Variants in SEC22C observed in about 807,000 individuals in gnomAD.
SEC22C encodes SEC22 homolog C, vesicle trafficking protein.
Under a neutral mutation model 34.7 loss-of-function variants are expected in SEC22C, and 29 were observed. That is an observed-to-expected ratio of 0.84 (90% CI 0.62 to 1.14). The LOEUF (loss-of-function observed/expected upper bound fraction) is 1.14. Ranked by LOEUF, SEC22C falls within the 50% of genes most tolerant of loss-of-function variation. The pLI is 0.00. For missense variants in SEC22C, 337 were observed against 369.0 expected, an observed-to-expected ratio of 0.91 and a Z score of 0.71; for synonymous variants, 117 against 132.8, an observed-to-expected ratio of 0.88 and a Z score of 0.82.
upstream of SEC22C, among the ~76,000 whole-genome samples, chr3:42,586,561 T>C (rs1052845759): frequency 1.3e-5 from 2 of 150,684 alleles, no homozygotes; most frequent in Non-Finnish European, 2.9e-5. Flanking sequence ...ATTGCTGTCC[T>C]GTATGTCCTT....
Position 42,548,531 on chromosome 3 carries a change from G to C in SEC22C, c.*4717C>G. The C allele has an allele frequency of 6.6e-7, 1 of 1,510,928 alleles. No individual in the cohort carries two copies. Among genetic ancestry groups the C allele is most frequent in the South Asian group, 1.1e-5 (1 of 88,238 alleles). 93.6% of individuals were successfully genotyped at this position (1,510,928 alleles called of 1,614,324 possible). On this transcript the variant is annotated 3_prime_UTR_variant, in exon 7 of 7. Coordinates refer to ENST00000264454, the MANE Select transcript of SEC22C (RefSeq NM_032970.4). ...TTTTCCACAGGCTCCCTGCTGATGA[G>C]ATTTCCCCAGCAGCAGAAGTTTGAC...
chr3:42,582,791 A>G (rs1339289014), upstream of SEC22C, among the ~76,000 whole-genome samples: 1 of 152,200 alleles, frequency 6.6e-6, no homozygotes, highest in African/African-American at 2.4e-5. Context: ...TTTCAGATGG[A>G]GAGATTAGCA....
At chr3:42,593,620 T>C (rs933602340) in intron 1 of SEC22C, among the ~76,000 whole-genome samples, 3 of 152,136 alleles carry the variant, frequency 2.0e-5, no homozygotes, top group Non-Finnish European at 4.4e-5. Context: ...TTTCAGACTC[T>C]GGGAAATCCA....
At position 42,561,133 on chromosome 3, in the gene SEC22C, C is replaced by T. The variant is rs778297713; in HGVS notation, c.510G>A (p.Pro170=). Residue 170 remains proline (P), a synonymous_variant, in exon 4 of 7, where the codon CCG becomes CCA. Coordinates refer to ENST00000264454, the MANE Select transcript of SEC22C (RefSeq NM_032970.4). ...VANGVMNGHT[P]MHLEPAPNFR... is the part of the protein sequence containing the mutation. ...GCCACTTACCAGGCTCCAAGTGCAT[C>T]GGTGTGTGACCATTCATCACCCCAT... The T allele has an allele frequency of 3.7e-6, 6 of 1,613,572 alleles. No homozygotes were observed. Among genetic ancestry groups the T allele is most frequent in the African/African-American group, 2.7e-5 (2 of 74,916 alleles).
At position 42,552,839 on chromosome 3, in the gene SEC22C, T is replaced by C. The variant is rs1425617350; in HGVS notation, c.*409A>G. The stretch of plus-strand genomic sequence containing the variant: ...AAAACTAATCAAGTTATGTTTAGAC[T>C]GAAAGCTGATTTGGATTTTAAAGTG... On this transcript the variant is annotated 3_prime_UTR_variant, in exon 7 of 7. Transcript: ENST00000264454. 3.9e-6 allele frequency: 4 copies of C among 1,023,718 alleles called. No individual in the cohort carries two copies. Among genetic ancestry groups the C allele is most frequent in the East Asian group, 1.0e-4 (1 of 9,942 alleles). 63.4% of individuals were successfully genotyped at this position (1,023,718 alleles called of 1,614,324 possible).
chr3:42,572,058 G>A (rs543996732), intron 1 of SEC22C, among the ~76,000 whole-genome samples: 2 of 151,968 alleles, frequency 1.3e-5, no homozygotes, highest in East Asian at 3.9e-4. Context: ...AATTCTGAAA[G>A]GTGGAGAAGG....
intron 1 of SEC22C, among the ~76,000 whole-genome samples, chr3:42,599,186 C>T (rs564461731): frequency 1.7e-3 from 257 of 150,320 alleles, no homozygotes; most frequent in South Asian, 5.7e-3. Flanking sequence ...AGGATGGTCT[C>T]GATCTCCTGA....
At position 42,564,116 on chromosome 3, in the gene SEC22C, T is replaced by A. The variant is rs899392268; in HGVS notation, c.183-430A>T. On this transcript the variant is annotated intron_variant, in intron 2 of 6. Transcript: ENST00000264454. ...ATAAACATACAACTGCTGGATTTAG[T>A]TTGCTAACATTTTAATTGGGACTTT... 60 of 369,912 alleles carry A rather than the reference T, an allele frequency of 1.6e-4. No individual in the cohort carries two copies. In the Admixed American group the frequency reaches 2.4e-3, roughly 15 times the overall value. The allele number at this position is 369,912 out of a possible 1,614,324, so 22.9% of individuals were successfully genotyped here. A position where few individuals can be genotyped will look rare whatever the true frequency, so the allele number is the denominator to read the frequency against.
chr3:42,561,520 T>A (rs1352661094), intron 3 of SEC22C, among the ~76,000 whole-genome samples: 1 of 152,120 alleles, frequency 6.6e-6, no homozygotes. Flanking sequence ...AGACCACAGA[T>A]GTGTGCCACC....
rs1029350109 is a variant in SEC22C, at chr3:42,600,727, C to T, written c.-28+233G>A. ...CGGCGTTGGGGTTTGGCTGCAGTGG[C>T]AGTGCTTTCTCTTCTGCTCACGGGG... On this transcript the variant is annotated intron_variant, in intron 1 of 6. Transcript: ENST00000417572. The T allele has an allele frequency of 1.3e-5, 4 of 298,660 alleles. 1 individual carries two copies. The South Asian group carries it at 3.2e-4, about 24-fold the overall frequency. The allele number at this position is 298,660 out of a possible 1,614,324, so 18.5% of individuals were successfully genotyped here.
At chr3:42,588,779 G>A (rs1704708655) in intron 1 of SEC22C, among the ~76,000 whole-genome samples, 1 of 152,116 alleles carries the variant, frequency 6.6e-6, no homozygotes, top group South Asian at 2.1e-4. Context: ...GTGGAACTAC[G>A]GAAGACCTGT....
chr3:42,601,070 CT>C, exon 1 of SEC22C: 1 of 1,565,290 alleles, frequency 6.4e-7, no homozygotes, highest in South Asian at 1.2e-5. Flanking sequence ...GCCGGGTGAG[CT>C]GGAAACTGGG....
chr3:42,584,589 G>T (rs946724778), upstream of SEC22C, among the ~76,000 whole-genome samples: 2 of 152,122 alleles, frequency 1.3e-5, no homozygotes, highest in African/African-American at 4.8e-5. Flanking sequence ...GCATCATATG[G>T]GCGGAAATCG....
chr3:42,572,215 G>T (rs1375385693), intron 1 of SEC22C, among the ~76,000 whole-genome samples: 1 of 103,240 alleles, frequency 9.7e-6, no homozygotes, highest in African/African-American at 4.5e-5. Flanking sequence ...AATGGGTACA[G>T]ACCAAAAAAA....
chr3:42,593,142 C>G (rs1350926817), intron 1 of SEC22C, among the ~76,000 whole-genome samples: 1 of 152,098 alleles, frequency 6.6e-6, no homozygotes, highest in East Asian at 1.9e-4. Flanking sequence ...TGGCTCATCC[C>G]TGTAATCCCA....
chr3:42,596,556 C>T (rs1056010255), intron 1 of SEC22C, among the ~76,000 whole-genome samples: 5 of 152,206 alleles, frequency 3.3e-5, no homozygotes, highest in African/African-American at 1.2e-4. Context: ...TTCTACCACT[C>T]TTGGAAGAGA....
chr3:42,555,510 A>G (rs980006691), intron 6 of SEC22C, among the ~76,000 whole-genome samples: 3 of 152,212 alleles, frequency 2.0e-5, no homozygotes, highest in Non-Finnish European at 4.4e-5. Flanking sequence ...TTTAAAAACT[A>G]CATGTACACA....
rs1702215581 is a variant in SEC22C at position 42,550,816 on chromosome 3, C to T, written c.*2432G>A. 3.0e-6 allele frequency: 3 copies of T among 984,812 alleles called. No homozygotes were observed. Among genetic ancestry groups the T allele is most frequent in the Non-Finnish European group, 3.6e-6 (3 of 829,858 alleles). 61.0% of individuals were successfully genotyped at this position (984,812 alleles called of 1,614,324 possible). A position where few individuals can be genotyped will look rare whatever the true frequency, so the allele number is the denominator to read the frequency against. ...CTGGGGTACAGGTCTACATGGCAAC[C>T]CAATGCCACATAGGAAAAGAAAACA... is the stretch of plus-strand genomic sequence containing the variant. On this transcript the variant is annotated 3_prime_UTR_variant, in exon 7 of 7. Transcript: ENST00000264454.
At chr3:42,563,806 G>A in intron 2 of SEC22C, 120 bp from the exon 3 acceptor site, 1 of 1,548,162 alleles carries the variant, frequency 6.5e-7, no homozygotes, top group South Asian at 1.2e-5. Flanking sequence ...TCCTGTAGCT[G>A]TTTGCTGCAG....
Sources: allele counts gnomAD v4.1 joint callset (sites outside exome capture counted in the v4.1 genomes callset), GRCh38; gene constraint gnomAD v4.1.1; transcripts MANE v1.5; gene names NCBI Gene and HGNC (gene_info 2026-07-23, HGNC 2026-07-21).